ZNF121: variants seen among roughly 807,000 people sequenced by gnomAD.
ZNF121 encodes zinc finger protein 121, also known as zinc finger protein 121 (clone ZHC32).
Under a neutral mutation model 2.4 loss-of-function variants are expected in ZNF121, and 1 was observed. The observed-to-expected ratio is 0.41, with a 90% CI of 0.15 to 1.94. The LOEUF is 1.94. ZNF121 is among the 30% of genes most tolerant of loss of function. ZNF121 has a pLI of 0.30. For missense variants in ZNF121, 369 were observed against 466.3 expected, an observed-to-expected ratio of 0.79 and a Z score of 1.92; for synonymous variants, 173 against 158.6, an observed-to-expected ratio of 1.09 and a Z score of -0.68.
At chr19:9,578,637 G>A (rs1348753811) in intron 1 of ZNF121, among the ~76,000 whole-genome samples, 1 of 152,108 alleles carries the variant, frequency 6.6e-6, no homozygotes, top group Non-Finnish European at 1.5e-5. Flanking sequence ...TGGGAAAACT[G>A]AATAACGATA....
chr19:9,576,591 CAG>C (rs777854707), intron 1 of ZNF121, among the ~76,000 whole-genome samples: 3 of 151,964 alleles, frequency 2.0e-5, no homozygotes, highest in South Asian at 4.2e-4. Context: ...AAAAACAAAT[CAG>C]ACTCACAATT....
At position 9,565,952 on chromosome 19, in the gene ZNF121, T is replaced by TA; in HGVS notation, c.1160dup (p.Leu387PhefsTer96). 6.4e-7 allele frequency: 1 copy of TA among 1,560,648 alleles called. No individual in the cohort carries two copies. ...TCAGAGTTTTTCTTCAGTGTGTTTT[T>TA]AAATGTTTAGTAAGTAAATAAAATC... On this transcript the variant is annotated frameshift_variant, in exon 4 of 4. Coordinates refer to ENST00000320451, the MANE Select transcript of ZNF121 (RefSeq NM_001008727.5). LOFTEE classifies it high-confidence loss of function.
Position 9,566,647 on chromosome 19 carries a change from A to C in ZNF121, c.466T>G (p.Ser156Ala). Residue 156 changes from serine (S) to alanine (A), a missense_variant, in exon 4 of 4, where the codon TCT becomes GCT. Around this residue, in one of 4 missense-constraint regions of ZNF121, gnomAD observed 68 missense variants for 105.5 expected, o/e 0.64. Transcript: ENST00000320451. ...CKECGKFFRY[S>A]SYLNSHMRTH... ...CGCATGTGACTATTAAGATATGAAG[A>C]ATATCTAAAGAATTTTCCACATTCC... 1.9e-6 allele frequency: 3 copies of C among 1,614,166 alleles called. No individual in the cohort carries two copies. The highest frequency in any genetic ancestry group is 1.7e-6 in the Non-Finnish European group (2 of 1,179,988).
chr19:9,572,544 C>T (rs1237504181), intron 1 of ZNF121, among the ~76,000 whole-genome samples: 2 of 152,126 alleles, frequency 1.3e-5, no homozygotes, highest in East Asian at 1.9e-4. Flanking sequence ...AAAGGAGAAG[C>T]CAAGTCAGAG....
chr19:9,580,775 A>G (rs1406111794), intron 1 of ZNF121, among the ~76,000 whole-genome samples: 2 of 152,222 alleles, frequency 1.3e-5, no homozygotes, highest in African/African-American at 2.4e-5. Flanking sequence ...AGCCTCTGGC[A>G]TACACCAACA....
At chr19:9,570,991 A>G (rs1214924622) in intron 1 of ZNF121, among the ~76,000 whole-genome samples, 1 of 152,260 alleles carries the variant, frequency 6.6e-6, no homozygotes, top group African/African-American at 2.4e-5. Flanking sequence ...AGGACAGTGG[A>G]AATGTACCAG....
At position 9,561,156 on chromosome 19, in the gene ZNF121, C is replaced by G. The variant is rs183710741; in HGVS notation, c.*4784G>C. ...AAATAGAGTTATTAATGTGTGGATA[C>G]GTATATATAATTTTGTATGTCTTTG... On this transcript the variant is annotated 3_prime_UTR_variant, in exon 4 of 4. Transcript: ENST00000320451. 1 of 152,170 alleles carries G rather than the reference C, an allele frequency of 6.6e-6. No homozygotes were observed. Among genetic ancestry groups the G allele is most frequent in the Middle Eastern group, 3.4e-3 (1 of 292 alleles). The allele number at this position is 152,170 out of a possible 1,614,324, so 9.4% of individuals were successfully genotyped here. A position where few individuals can be genotyped will look rare whatever the true frequency, so the allele number is the denominator to read the frequency against.
chr19:9,577,403 CTG>C (rs1489575303), intron 1 of ZNF121, among the ~76,000 whole-genome samples: 1 of 151,666 alleles, frequency 6.6e-6, no homozygotes, highest in Non-Finnish European at 1.5e-5. Context: ...TGAGCCAAGA[CTG>C]AGCCATTGCA....
intron 1 of ZNF121, among the ~76,000 whole-genome samples, chr19:9,571,927 T>C (rs535344041): frequency 6.6e-6 from 1 of 152,152 alleles, no homozygotes; most frequent in East Asian, 1.9e-4. Context: ...GGCTAATTGT[T>C]TTTCTTTTTC....
chr19:9,575,390 T>TC (rs2074203440), intron 1 of ZNF121, among the ~76,000 whole-genome samples: 2 of 152,080 alleles, frequency 1.3e-5, no homozygotes, highest in Non-Finnish European at 1.5e-5. Context: ...GCCACTGTAC[T>TC]CCAGCCTGGG....
intron 1 of ZNF121, among the ~76,000 whole-genome samples, chr19:9,572,277 G>C (rs971870997): frequency 1.3e-5 from 2 of 152,152 alleles, no homozygotes; most frequent in Non-Finnish European, 2.9e-5. Context: ...GAGACGTTAA[G>C]AGAATCAAGT....
chr19:9,567,537 AG>A (rs1344400447), intron 3 of ZNF121: 2 of 222,496 alleles, frequency 9.0e-6, no homozygotes, highest in Non-Finnish European at 1.9e-5. Flanking sequence ...GGGGTGGAAT[AG>A]GGGTGGGATA....
Position 9,560,594 on chromosome 19 carries a change from C to T in ZNF121, c.*5346G>A, listed in dbSNP as rs2074095935. The T allele has an allele frequency of 6.6e-6, 1 of 152,104 alleles. No homozygotes were observed. Among genetic ancestry groups the T allele is most frequent in the Non-Finnish European group, 1.5e-5 (1 of 68,020 alleles). The allele number at this position is 152,104 out of a possible 1,614,324, so 9.4% of individuals were successfully genotyped here. A position where few individuals can be genotyped will look rare whatever the true frequency, so the allele number is the denominator to read the frequency against. ...ATAAGTGGAAATGGGTGTATTTGTC[C>T]TTTCGGAACTGGTTTATTTCACTTA... is the stretch of plus-strand genomic sequence containing the variant. On this transcript the variant is annotated 3_prime_UTR_variant, in exon 4 of 4. Coordinates refer to ENST00000320451, the MANE Select transcript of ZNF121 (RefSeq NM_001008727.5).
At chr19:9,571,196 A>T (rs1458645966) in intron 1 of ZNF121, among the ~76,000 whole-genome samples, 1 of 152,222 alleles carries the variant, frequency 6.6e-6, no homozygotes, top group Non-Finnish European at 1.5e-5. Flanking sequence ...TACCATAGAA[A>T]ATGTAAACAA....
intron 1 of ZNF121, among the ~76,000 whole-genome samples, chr19:9,569,926 A>ATC (rs951051153): frequency 1.0e-4 from 14 of 140,272 alleles, no homozygotes; most frequent in East Asian, 8.6e-4. Flanking sequence ...GTAGTATTAC[A>ATC]TCTCTCTCTC....
intron 1 of ZNF121, among the ~76,000 whole-genome samples, chr19:9,569,303 G>A (rs894824711): frequency 6.6e-6 from 1 of 151,954 alleles, no homozygotes; most frequent in Non-Finnish European, 1.5e-5. Flanking sequence ...ATTAAAGACT[G>A]GGCGCAGTGG....
chr19:9,565,432 G>A lies in ZNF121; in HGVS notation c.*508C>T, dbSNP rs1043201532. Reference sequence around the variant, plus strand: ...CTCCTATAATCCCAGCACTTTGGGAGGCCAAGGCGGGTGGATCACCTGAGG... The same window carrying A: ...CTCCTATAATCCCAGCACTTTGGGAAGCCAAGGCGGGTGGATCACCTGAGG... On this transcript the variant is annotated 3_prime_UTR_variant, in exon 4 of 4. Coordinates refer to ENST00000320451, the MANE Select transcript of ZNF121 (RefSeq NM_001008727.5). 6 of 148,386 alleles carry A rather than the reference G, an allele frequency of 4.0e-5. No individual in the cohort carries two copies. Among genetic ancestry groups the A allele is most frequent in the Non-Finnish European group, 8.9e-5 (6 of 67,594 alleles). The allele number at this position is 148,386 out of a possible 1,614,324, so 9.2% of individuals were successfully genotyped here.
rs768334049 is a variant in ZNF121, at chr19:9,566,121, A to C, written c.992T>G (p.Ile331Arg). ...FATSSQLIEH[I>R]RTHTGEKPYI... The stretch of plus-strand genomic sequence containing the variant: ...CGGTTTCTCTCCAGTGTGAGTTCTT[A>C]TATGTTCAATGAGTTGTGAAGATGT... The change falls in exon 4 of 4, where the codon ATA becomes AGA. Residue 331 changes from isoleucine (I) to arginine (R), a missense_variant. Around this residue, in one of 4 missense-constraint regions of ZNF121, gnomAD observed 127 missense variants for 169.9 expected, o/e 0.75. Coordinates refer to ENST00000320451, the MANE Select transcript of ZNF121 (RefSeq NM_001008727.5). The C allele has an allele frequency of 6.2e-7, 1 of 1,614,078 alleles. No individual in the cohort carries two copies. The highest frequency in any genetic ancestry group is 8.5e-7 in the Non-Finnish European group (1 of 1,180,006).
intron 1 of ZNF121, among the ~76,000 whole-genome samples, chr19:9,569,838 CTTTTTTTTTT>C (rs752091749): frequency 1.7e-5 from 2 of 117,694 alleles, no homozygotes; most frequent in Admixed American, 8.6e-5. Flanking sequence ...TGGCCGAGAT[CTTTTTTTTTT>C]TTTTTTTTTT....
Sources: gnomAD v4.1 joint callset for allele counts (sites outside exome capture counted in the v4.1 genomes callset) on GRCh38, gnomAD v4.1.1 for gene constraint, gnomAD v4.1.1 regional missense constraint, MANE v1.5 for transcripts, NCBI Gene and HGNC (gene_info 2026-07-23, HGNC 2026-07-21) for gene names.